Variants in KIF5C observed in about 807,000 individuals in gnomAD.
The protein encoded by KIF5C is kinesin heavy chain isoform 5C.
Under a neutral mutation model 125.2 loss-of-function variants are expected in KIF5C, and 18 were observed. That is an observed-to-expected ratio of 0.14 (90% CI 0.10 to 0.21). The LOEUF (loss-of-function observed/expected upper bound fraction) is 0.21. Among genes scored for constraint, KIF5C ranks in the 10% least tolerant of loss-of-function variants. KIF5C has a pLI of 1.00. For missense variants in KIF5C, 780 were observed against 1,183.8 expected (o/e 0.66, Z 5.01); for synonymous variants, 405 against 434.0 (o/e 0.93, Z 0.83).
chr2:148,962,202 G>A (rs1470939068), intron 11 of KIF5C, 83 bp downstream of exon 11: 3 of 1,478,622 alleles, frequency 2.0e-6, no homozygotes, highest in South Asian at 1.4e-5. Flanking sequence ...GTCTCTCTCT[G>A]TCACTCAGGC....
intron 1 of KIF5C, among the ~76,000 whole-genome samples, chr2:148,881,473 T>G (rs543593366): frequency 3.7e-4 from 57 of 152,252 alleles, no homozygotes; most frequent in African/African-American, 1.3e-3. Context: ...GTTGTGTAAT[T>G]GCTTAGTAAA....
In KIF5C at chr2:148,923,102, C is replaced by G. The variant is rs916384188; in HGVS notation, c.217+875C>G. On this transcript the variant is annotated intron_variant, in intron 2 of 25. Coordinates refer to ENST00000435030, the MANE Select transcript of KIF5C (RefSeq NM_004522.3). ...GTGAATGCTGTGGCAATTGTGCTTT[C>G]AAATGTCTTGATGCTGCCCCCTGTA... 4.6e-5 allele frequency among the ~76,000 whole-genome samples: 7 copies of G among 152,202 alleles called. 1 individual carries two copies. Among genetic ancestry groups the G allele is most frequent in the Admixed American group, 4.6e-4 (7 of 15,282 alleles).
At chr2:149,005,323 A>T in intron 21 of KIF5C, 70 bp from the exon 22 acceptor site, 4 of 1,571,212 alleles carry the variant, frequency 2.5e-6, no homozygotes, top group Non-Finnish European at 2.6e-6. Flanking sequence ...CGGGGGAATG[A>T]TCTGGTGCCA....
At chr2:148,884,770 A>T (rs569439231) in intron 1 of KIF5C, among the ~76,000 whole-genome samples, 5 of 152,328 alleles carry the variant, frequency 3.3e-5, no homozygotes, top group South Asian at 2.1e-4. Flanking sequence ...GGTTTGTTCA[A>T]ATCAGAAGGC....
chr2:148,892,543 G>C (rs2105047625), intron 1 of KIF5C, among the ~76,000 whole-genome samples: 1 of 152,286 alleles, frequency 6.6e-6, no homozygotes, highest in East Asian at 1.9e-4. Context: ...CTCAAATTAT[G>C]TATGAAGTCC....
chr2:148,982,489 G>GA (rs1206235294), intron 14 of KIF5C, among the ~76,000 whole-genome samples: 1 of 152,242 alleles, frequency 6.6e-6, no homozygotes, highest in Admixed American at 6.5e-5. Flanking sequence ...GATGGCGCAG[G>GA]AGAGTGCTGG....
intron 1 of KIF5C, among the ~76,000 whole-genome samples, chr2:148,901,804 C>T (rs565612797): frequency 1.3e-5 from 2 of 152,148 alleles, no homozygotes; most frequent in Non-Finnish European, 2.9e-5. Flanking sequence ...AACCTCCCCC[C>T]ATCAATCTCT....
At chr2:148,897,658 C>T (rs1289720594) in intron 1 of KIF5C, among the ~76,000 whole-genome samples, 1 of 151,944 alleles carries the variant, frequency 6.6e-6, no homozygotes, top group African/African-American at 2.4e-5. Flanking sequence ...GTGGCTCACA[C>T]CTGTAACTCC....
rs376124388 is a variant in KIF5C, at chr2:149,010,224, G to A, written c.2640G>A (p.Glu880=). The A allele has an allele frequency of 3.6e-5, 57 of 1,569,258 alleles. No individual in the cohort carries two copies. In the African/African-American group the frequency reaches 7.2e-4, roughly 20 times the overall value. Residue 880 remains glutamate (E), a synonymous_variant, in exon 24 of 26, where the codon GAG becomes GAA. Transcript: ENST00000435030. The part of the protein sequence containing the change: ...RATAERVKAL[E]SALKEAKENA... ...CGGCGGAGCGCGTCAAGGCTCTGGA[G>A]AGCGCGCTGAAGGAGGCCAAGGAGA...
chr2:149,021,716 CTTTTTT>C, intron 25 of KIF5C, among the ~76,000 whole-genome samples: 1 of 135,044 alleles, frequency 7.4e-6, no homozygotes, highest in South Asian at 2.3e-4. Flanking sequence ...TTACAGAGGG[CTTTTTT>C]TTTTTTTTTT....
chr2:148,981,569 C>A lies in KIF5C; in HGVS notation c.1569+8C>A. 1 of 1,582,208 alleles carries A rather than the reference C, an allele frequency of 6.3e-7. No homozygotes were observed. The highest frequency in any genetic ancestry group is 2.3e-5 in the East Asian group (1 of 43,288). On this transcript the variant is annotated splice_region_variant and intron_variant, in intron 14 of 25. Transcript: ENST00000435030. ...GAGCTGGCCCAGAAAACGGTTGGAG[C>A]ATTTGTGTCTAGGGGGTGGGACTTC... is the stretch of plus-strand genomic sequence containing the variant.
At chr2:148,929,115 G>C (rs1324224295) in intron 2 of KIF5C, among the ~76,000 whole-genome samples, 166 bp from the exon 3 acceptor site, 1 of 152,070 alleles carries the variant, frequency 6.6e-6, no homozygotes, top group African/African-American at 2.4e-5. Context: ...CTTTCCATTT[G>C]TAGAACAACA....
At chr2:148,983,546 T>C (rs1338648982) in intron 14 of KIF5C, 74 bp from the exon 15 acceptor site, 2 of 1,449,152 alleles carry the variant, frequency 1.4e-6, no homozygotes, top group African/African-American at 2.8e-5. Flanking sequence ...CATGATGGTG[T>C]TATTCTTTGT....
chr2:149,018,885 A>G (rs1682449839), intron 25 of KIF5C, among the ~76,000 whole-genome samples: 1 of 152,078 alleles, frequency 6.6e-6, no homozygotes, highest in Non-Finnish European at 1.5e-5. Context: ...TATATGGGTT[A>G]TATTTATTGA....
chr2:149,007,877 G>A (rs1682057276), intron 22 of KIF5C, 86 bp from the exon 23 acceptor site: 1 of 1,340,616 alleles, frequency 7.5e-7, no homozygotes, highest in Non-Finnish European at 9.7e-7. Flanking sequence ...GTGGGAATGG[G>A]GATTTTTTTT....
intron 15 of KIF5C, among the ~76,000 whole-genome samples, chr2:148,988,210 A>C (rs1681434123): frequency 6.6e-6 from 1 of 152,132 alleles, no homozygotes; most frequent in Non-Finnish European, 1.5e-5. Flanking sequence ...TTTGAACATG[A>C]AACCACTAAA....
Position 148,974,584 on chromosome 2 carries a change from G to A in KIF5C, c.1293+1073G>A, listed in dbSNP as rs562226665. 1.8e-4 allele frequency among the ~76,000 whole-genome samples: 27 copies of A among 152,268 alleles called. No homozygotes were observed. The South Asian group carries it at 5.6e-3, about 32-fold the overall frequency. On this transcript the variant is annotated intron_variant, in intron 12 of 25. Transcript: ENST00000435030. ...TAAAATATTCGCACCCACGAGATGG[G>A]TTACTTGCCCTTTAGGCTCCACGCA...
chr2:148,898,986 AG>A (rs1483108412), intron 1 of KIF5C, among the ~76,000 whole-genome samples: 3 of 152,236 alleles, frequency 2.0e-5, no homozygotes, highest in Admixed American at 6.5e-5. Flanking sequence ...AATATTTTGA[AG>A]GGTTTATGTT....
At chr2:148,983,576 T>C (rs752074130) in intron 14 of KIF5C, 44 bp from the exon 15 acceptor site, 2 of 1,501,238 alleles carry the variant, frequency 1.3e-6, no homozygotes, top group South Asian at 1.4e-5. Context: ...TGTATGAAAT[T>C]GATGGGCAAC....
Sources: allele counts gnomAD v4.1 joint callset (sites outside exome capture counted in the v4.1 genomes callset), GRCh38; gene constraint gnomAD v4.1.1; transcripts MANE v1.5; gene names NCBI Gene and HGNC (gene_info 2026-07-23, HGNC 2026-07-21).